Variants in ARHGAP25 observed in about 807,000 individuals in gnomAD.
The protein encoded by ARHGAP25 is Rho GTPase activating protein 25, also known as rho GTPase-activating protein 25.
Under a neutral mutation model 71.0 loss-of-function variants are expected in ARHGAP25, and 34 were observed. The observed-to-expected ratio is 0.48, with a 90% CI of 0.36 to 0.64. The LOEUF is 0.64. Among genes scored for constraint, ARHGAP25 ranks in the 30% least tolerant of loss-of-function variants. The pLI, the probability that ARHGAP25 is intolerant of heterozygous loss-of-function variation, is 0.00. For synonymous variants in ARHGAP25, 282 were observed against 296.5 expected (o/e 0.95, Z 0.50); for missense variants, 706 against 805.1 (o/e 0.88, Z 1.49).
chr2:68,817,190 T>C (rs1681297109), intron 7 of ARHGAP25, among the ~76,000 whole-genome samples: 2 of 152,230 alleles, frequency 1.3e-5, no homozygotes, highest in South Asian at 4.1e-4. Context: ...TAATATTTCA[T>C]AATGTTTCAT....
chr2:68,815,028 C>T (rs543382145), intron 6 of ARHGAP25, among the ~76,000 whole-genome samples: 13 of 152,322 alleles, frequency 8.5e-5, no homozygotes, highest in African/African-American at 3.1e-4. Context: ...TCGCATCTCA[C>T]CCCTGGGTTC....
chr2:68,750,559 G>A (rs149692478), intron 1 of ARHGAP25, among the ~76,000 whole-genome samples: 266 of 152,230 alleles, frequency 1.7e-3, no homozygotes, highest in Middle Eastern at 3.4e-3. Flanking sequence ...GACCTCAGGT[G>A]ATCCTCCCGC....
intron 10 of ARHGAP25, among the ~76,000 whole-genome samples, 179 bp downstream of exon 10, chr2:68,823,051 C>T (rs1681830748): frequency 6.6e-6 from 1 of 152,170 alleles, no homozygotes; most frequent in South Asian, 2.1e-4. Flanking sequence ...AATTGGTGAA[C>T]ACTCTAAACT....
chr2:68,824,409 C>T (rs1681938891), intron 10 of ARHGAP25, among the ~76,000 whole-genome samples: 1 of 152,136 alleles, frequency 6.6e-6, no homozygotes, highest in African/African-American at 2.4e-5. Context: ...CAGAGGGGTA[C>T]AGAGAACTTG....
intron 1 of ARHGAP25, among the ~76,000 whole-genome samples, chr2:68,745,824 T>C (rs185509074): frequency 1.8e-4 from 28 of 152,320 alleles, no homozygotes; most frequent in East Asian, 5.8e-4. Flanking sequence ...TCAAGATCCA[T>C]GTCTGGTGAA....
chr2:68,783,291 G>A (rs200740437), intron 3 of ARHGAP25, among the ~76,000 whole-genome samples: 154 of 152,158 alleles, frequency 1.0e-3, no homozygotes, highest in Non-Finnish European at 1.9e-3. Flanking sequence ...TAAATATGAA[G>A]CATTTGATAC....
In ARHGAP25 at chr2:68,826,486, C is replaced by T; in HGVS notation, c.*292C>T. The T allele has an allele frequency of 2.0e-6, 1 of 488,366 alleles. No individual in the cohort carries two copies. The highest frequency in any genetic ancestry group is 3.8e-6 in the Non-Finnish European group (1 of 263,958). The allele number at this position is 488,366 out of a possible 1,614,324, so 30.3% of individuals were successfully genotyped here. ...TGAAGACATTTGAGGCAGCACATCT[C>T]AGGACCCAGGCAATAGACTGGCCCC... is the stretch of plus-strand genomic sequence containing the variant. On this transcript the variant is annotated 3_prime_UTR_variant, in exon 11 of 11. Coordinates refer to ENST00000409202, the MANE Select transcript of ARHGAP25 (RefSeq NM_001007231.3).
chr2:68,819,772 C>A, intron 9 of ARHGAP25: 1 of 364,338 alleles, frequency 2.7e-6, no homozygotes, highest in Non-Finnish European at 4.9e-6. Flanking sequence ...ATTTCTCATT[C>A]CTCGATAAGC....
chr2:68,781,381 C>T (rs927981339), intron 2 of ARHGAP25, among the ~76,000 whole-genome samples: 3 of 151,318 alleles, frequency 2.0e-5, no homozygotes, highest in African/African-American at 7.4e-5. Context: ...CAGAGCGAGA[C>T]TCCGTCTCAA....
chr2:68,736,672 G>A (rs1226701730), intron 1 of ARHGAP25, among the ~76,000 whole-genome samples: 1 of 152,124 alleles, frequency 6.6e-6, no homozygotes, highest in Non-Finnish European at 1.5e-5. Context: ...ACTCAGGTCT[G>A]GGATTTGATT....
In ARHGAP25 at chr2:68,794,908, T is replaced by G. The variant is rs189400852; in HGVS notation, c.466+6952T>G. 2.0e-3 allele frequency among the ~76,000 whole-genome samples: 309 copies of G among 152,218 alleles called. 1 individual carries two copies. Among genetic ancestry groups the G allele is most frequent in the African/African-American group, 7.3e-3 (302 of 41,548 alleles). ...ACTGTAAATCCATCTGGTCCTGGGT[T>G]TTTCTTTTTTGGAAGATTTATTGTT... On this transcript the variant is annotated intron_variant, in intron 4 of 10. Transcript: ENST00000409202.
chr2:68,788,696 G>A (rs1678937450), intron 4 of ARHGAP25, among the ~76,000 whole-genome samples: 1 of 152,194 alleles, frequency 6.6e-6, no homozygotes, highest in South Asian at 2.1e-4. Flanking sequence ...AAACCGACAG[G>A]TATGAGTTCT....
Position 68,767,249 on chromosome 2 carries a change from G to A in ARHGAP25, c.62-7972G>A, listed in dbSNP as rs1250927036. On this transcript the variant is annotated intron_variant, in intron 1 of 10. Coordinates refer to ENST00000409202, the MANE Select transcript of ARHGAP25 (RefSeq NM_001007231.3). This position sits in a 1 kb window ranked among gnomAD's most constrained non-coding sequence, Gnocchi z 4.6. ...AAAACGAAACTCAAAAGAATGATGG[G>A]TGCTTTTCAATGGGGGGGTGGCGTT... 1.3e-5 allele frequency among the ~76,000 whole-genome samples: 2 copies of A among 152,036 alleles called. No individual in the cohort carries two copies. Among genetic ancestry groups the A allele is most frequent in the Non-Finnish European group, 2.9e-5 (2 of 68,006 alleles).
At chr2:68,747,004 A>G (rs1344842703) in intron 1 of ARHGAP25, among the ~76,000 whole-genome samples, 1 of 68,636 alleles carries the variant, frequency 1.5e-5, no homozygotes, top group East Asian at 2.9e-4. Context: ...GCGAAACTCC[A>G]TCTCAAAAAA....
intron 6 of ARHGAP25, among the ~76,000 whole-genome samples, chr2:68,813,778 C>T (rs1237033340): frequency 2.0e-5 from 3 of 152,196 alleles, no homozygotes; most frequent in African/African-American, 7.2e-5. Flanking sequence ...ATAGCTCAAG[C>T]TCTACAGCAG....
In ARHGAP25 at chr2:68,727,160, C is replaced by G. The variant is rs566263140; in HGVS notation, c.-18+16462C>G. Among the ~76,000 whole-genome samples the G allele has an allele frequency of 2.0e-4, 30 of 152,300 alleles. No individual in the cohort carries two copies. In the South Asian group the frequency reaches 6.2e-3, roughly 32 times the overall value. ...TTAGTATTTGCTAAAAGCGTGGTTA[C>G]TGGTTGAGTGCGTCTGCAACACGGG... On this transcript the variant is annotated intron_variant and NMD_transcript_variant, in intron 2 of 7. Coordinates refer to the ARHGAP25 transcript ENST00000463483.
At chr2:68,765,006 C>T (rs72830906) in intron 1 of ARHGAP25, among the ~76,000 whole-genome samples, 13,686 of 152,212 alleles carry the variant, frequency 0.09, 711 homozygotes, top group Non-Finnish European at 0.11. Context: ...CATGAGGTCA[C>T]CTAGAATTCT....
chr2:68,747,000 C>T (rs1291409752), intron 1 of ARHGAP25, among the ~76,000 whole-genome samples: 1 of 100,780 alleles, frequency 9.9e-6, no homozygotes, highest in East Asian at 2.7e-4. Context: ...AAGAGCGAAA[C>T]TCCATCTCAA....
chr2:68,813,401 G>A lies in ARHGAP25; in HGVS notation c.789G>A (p.Thr263=), dbSNP rs80302163. 1.1e-4 allele frequency: 182 copies of A among 1,612,990 alleles called. No individual in the cohort carries two copies. The African/African-American group carries it at 1.4e-3, about 13-fold the overall frequency. The change falls in exon 6 of 11, where the codon ACG becomes ACA. Residue 263 remains threonine, a synonymous_variant. Transcript: ENST00000409202. The part of the protein sequence containing the change: ...YEGFLLCGQL[T]NADEAKAQQE... ...GGTTCCTGCTCTGTGGGCAGCTCAC[G>A]AATGCGGATGAGGCAAAGGTTTGCA...
Sources: allele counts gnomAD v4.1 joint callset (sites outside exome capture counted in the v4.1 genomes callset), GRCh38; gene constraint gnomAD v4.1.1; non-coding constraint Gnocchi (gnomAD v3.1); transcripts MANE v1.5; gene names NCBI Gene and HGNC (gene_info 2026-07-23, HGNC 2026-07-21).